Variants in FAM3B observed in about 807,000 individuals in gnomAD.
FAM3B encodes the protein protein FAM3B.
In FAM3B, 29 loss-of-function variants were observed where a neutral mutation model predicts 28.4. The observed-to-expected ratio is 1.02, with a 90% CI of 0.76 to 1.39. The LOEUF (loss-of-function observed/expected upper bound fraction) is 1.39. Among genes scored for constraint, FAM3B ranks in the 40% most tolerant of loss-of-function variants. The probability of loss-of-function intolerance (pLI) is 0.00; values close to 1 mark genes in which losing one functional copy is unlikely to be tolerated. For synonymous variants in FAM3B, 91 were observed against 103.0 expected, an observed-to-expected ratio of 0.88 and a Z score of 0.71; for missense variants, 266 against 293.9, an observed-to-expected ratio of 0.91 and a Z score of 0.69.
chr21:41,351,466 G>A (rs1851265922), intron 7 of FAM3B, among the ~76,000 whole-genome samples: 1 of 152,182 alleles, frequency 6.6e-6, no homozygotes, highest in African/African-American at 2.4e-5. Flanking sequence ...GTTTGGGGGC[G>A]CTAAAGGATG....
chr21:41,337,204 A>C (rs760423150), intron 2 of FAM3B, among the ~76,000 whole-genome samples: 4 of 152,264 alleles, frequency 2.6e-5, no homozygotes, highest in Non-Finnish European at 4.4e-5. Flanking sequence ...AATAGAGCCA[A>C]GTCTCTACTC....
chr21:41,345,528 C>T (rs535087959), intron 4 of FAM3B, among the ~76,000 whole-genome samples, 158 bp from the exon 5 acceptor site: 17 of 152,142 alleles, frequency 1.1e-4, no homozygotes, highest in Non-Finnish European at 1.8e-4. Flanking sequence ...GGACTCTCCT[C>T]AAGGGGCCCG....
chr21:41,356,959 A>C (rs1365092055), intron 7 of FAM3B, 149 bp from the exon 8 acceptor site: 1 of 307,634 alleles, frequency 3.3e-6, no homozygotes, highest in Non-Finnish European at 6.0e-6. Flanking sequence ...AAAAATTATT[A>C]TTAAGAAATG....
chr21:41,348,791 T>C, intron 7 of FAM3B, 67 bp downstream of exon 7: 1 of 1,578,932 alleles, frequency 6.3e-7, no homozygotes, highest in Admixed American at 1.7e-5. Context: ...CTTGAAAACG[T>C]TCCTGGTGGG....
chr21:41,328,226 A>G (rs1432577161), intron 2 of FAM3B, among the ~76,000 whole-genome samples: 1 of 152,200 alleles, frequency 6.6e-6, no homozygotes, highest in Non-Finnish European at 1.5e-5. Context: ...CCATTCATGT[A>G]TTCTCTCTGA....
chr21:41,308,966 C>T (rs967650123), intron 1 of FAM3B, among the ~76,000 whole-genome samples: 1 of 152,132 alleles, frequency 6.6e-6, no homozygotes, highest in African/African-American at 2.4e-5. Flanking sequence ...GGTGACCTCC[C>T]ACTTTAGATT....
At chr21:41,319,001 T>G (rs1398488464) in intron 1 of FAM3B, among the ~76,000 whole-genome samples, 1 of 152,188 alleles carries the variant, frequency 6.6e-6, no homozygotes, top group African/African-American at 2.4e-5. Flanking sequence ...CACGAAATCC[T>G]CCTGCCTCAG....
chr21:41,356,323 T>C (rs2145838212), intron 7 of FAM3B, among the ~76,000 whole-genome samples: 2 of 152,340 alleles, frequency 1.3e-5, no homozygotes, highest in African/African-American at 4.8e-5. Context: ...ATACCTAACC[T>C]ACCAAAGATG....
intron 2 of FAM3B, among the ~76,000 whole-genome samples, chr21:41,335,494 T>A (rs1446272683): frequency 6.6e-6 from 1 of 152,112 alleles, no homozygotes; most frequent in African/African-American, 2.4e-5. Context: ...GTGTGGCGCC[T>A]CCTTCCCACC....
At chr21:41,311,251 A>AAAAAAAAT (rs1555866518) in intron 1 of FAM3B, among the ~76,000 whole-genome samples, 1 of 35,078 alleles carries the variant, frequency 2.9e-5, no homozygotes, top group African/African-American at 1.2e-4. Context: ...AAAAAAAAAA[A>AAAAAAAAT]ATATATATAT....
At chr21:41,344,429 G>T (rs1382288821) in intron 3 of FAM3B, 47 bp from the exon 4 acceptor site, 14 of 1,559,094 alleles carry the variant, frequency 9.0e-6, no homozygotes, top group Non-Finnish European at 1.2e-5. Context: ...GGAGCGGGGA[G>T]AGTCGCACGC....
chr21:41,316,334 A>AGGCTG (rs1006275885), upstream of FAM3B, among the ~76,000 whole-genome samples: 6 of 152,212 alleles, frequency 3.9e-5, no homozygotes, highest in East Asian at 1.9e-4. Flanking sequence ...GGCGCCTGCT[A>AGGCTG]GGCTGGGCTG....
At chr21:41,340,784 A>T (rs1006802872) in intron 3 of FAM3B, among the ~76,000 whole-genome samples, 3 of 152,184 alleles carry the variant, frequency 2.0e-5, no homozygotes, top group Non-Finnish European at 4.4e-5. Context: ...TGTCCCAAAA[A>T]AGGAGGCTCA....
At chr21:41,323,839 C>G (rs1361806635) in intron 2 of FAM3B, among the ~76,000 whole-genome samples, 2 of 152,168 alleles carry the variant, frequency 1.3e-5, no homozygotes. Flanking sequence ...GGCTGTGTGC[C>G]AGTTTGGGAG....
intron 2 of FAM3B, among the ~76,000 whole-genome samples, chr21:41,331,637 T>G (rs1168615559): frequency 6.6e-6 from 1 of 152,244 alleles, no homozygotes; most frequent in Non-Finnish European, 1.5e-5. Flanking sequence ...GGATCTAATT[T>G]CATTCTTCTG....
At chr21:41,342,764 T>C (rs78829597) in intron 3 of FAM3B, among the ~76,000 whole-genome samples, 3,225 of 152,368 alleles carry the variant, frequency 0.021, 45 homozygotes, top group East Asian at 0.085. Flanking sequence ...ATAGTTAAAG[T>C]CTGAGTTGGA....
chr21:41,316,956 A>T, intron 1 of FAM3B, 58 bp downstream of exon 1: 1 of 1,265,528 alleles, frequency 7.9e-7, no homozygotes, highest in Non-Finnish European at 1.0e-6. Context: ...ACCCCAGGGG[A>T]AGCGTCGCTC....
chr21:41,329,307 G>C (rs1362746641), intron 2 of FAM3B, among the ~76,000 whole-genome samples: 1 of 152,188 alleles, frequency 6.6e-6, no homozygotes, highest in East Asian at 1.9e-4. Context: ...ATTTTGATTA[G>C]TGTGATGTAA....
intron 2 of FAM3B, 70 bp downstream of exon 2, chr21:41,323,136 G>C: frequency 6.3e-7 from 1 of 1,576,852 alleles, no homozygotes; most frequent in Non-Finnish European, 8.6e-7. Context: ...GGTGGTTTCT[G>C]TCCCAGCTGG....
Sources: allele counts gnomAD v4.1 joint callset (sites outside exome capture counted in the v4.1 genomes callset), GRCh38; gene constraint gnomAD v4.1.1; transcripts MANE v1.5; gene names NCBI Gene and HGNC (gene_info 2026-07-23, HGNC 2026-07-21).